CTXND1: variants seen among roughly 807,000 people sequenced by gnomAD.
The protein encoded by CTXND1 is cortexin domain-containing 1 protein.
In CTXND1 at chr15:80,201,400, A is replaced by G. The variant is rs777394695; in HGVS notation, c.*370T>C. On this transcript the variant is annotated 3_prime_UTR_variant, in exon 3 of 3. Coordinates refer to ENST00000560778, the MANE Select transcript of CTXND1 (RefSeq NM_001352888.2). ...GGACCGAGAGTCTCCTCAAGACAAG[A>G]CCACTGTTATGTGATGGATGGGGGG... The G allele has an allele frequency of 5.8e-6, 1 of 171,896 alleles. No individual in the cohort carries two copies. Among genetic ancestry groups the G allele is most frequent in the Admixed American group, 6.3e-5 (1 of 15,810 alleles). 10.6% of individuals were successfully genotyped at this position (171,896 alleles called of 1,614,324 possible).
rs553893981 is a variant in CTXND1 at position 80,224,088 on chromosome 15, C to CT, written c.-217-20349dup. ...GCCGCCATGTCAAGAATCAGCTGCTCTGACGATCACTAAGTGGAGAGACTA... is the reference window on the plus strand; with the variant it reads ...GCCGCCATGTCAAGAATCAGCTGCTCTTGACGATCACTAAGTGGAGAGACTA... On this transcript the variant is annotated intron_variant, in intron 1 of 2. Transcript: ENST00000560778. Among the ~76,000 whole-genome samples the CT allele has an allele frequency of 2.6e-5, 4 of 152,280 alleles. No homozygotes were observed. The South Asian group carries it at 8.3e-4, about 32-fold the overall frequency.
chr15:80,204,199 T>C (rs56765405), intron 1 of CTXND1, among the ~76,000 whole-genome samples: 607 of 26,778 alleles, frequency 0.023, 21 homozygotes, highest in African/African-American at 0.075. Context: ...TATATATATA[T>C]ACACAAACAC....
intron 1 of CTXND1, among the ~76,000 whole-genome samples, chr15:80,250,593 A>G (rs1893682030): frequency 6.6e-6 from 1 of 152,242 alleles, no homozygotes; most frequent in Non-Finnish European, 1.5e-5. Flanking sequence ...TGCAATGATT[A>G]CACAGAATAA....
chr15:80,235,749 C>A (rs1159257059), intron 1 of CTXND1, among the ~76,000 whole-genome samples: 1 of 151,916 alleles, frequency 6.6e-6, no homozygotes, highest in Non-Finnish European at 1.5e-5. Context: ...GGCTACCCTA[C>A]CAATCCCTTC....
intron 1 of CTXND1, among the ~76,000 whole-genome samples, chr15:80,216,538 A>G (rs1005479837): frequency 3.3e-5 from 5 of 152,314 alleles, no homozygotes; most frequent in Middle Eastern, 6.8e-3. Context: ...AGCCTTGTTT[A>G]TGGATCATCA....
intron 2 of CTXND1, among the ~76,000 whole-genome samples, chr15:80,203,197 A>G (rs546261956): frequency 6.6e-6 from 1 of 152,156 alleles, no homozygotes; most frequent in African/African-American, 2.4e-5. Flanking sequence ...CTCTCCCCAT[A>G]CATAGCATTC....
chr15:80,220,135 TATCTATCTATC>T (rs1005394978), intron 1 of CTXND1, among the ~76,000 whole-genome samples: 11 of 108,852 alleles, frequency 1.0e-4, no homozygotes, highest in Non-Finnish European at 1.4e-4. Flanking sequence ...TCTATCTATC[TATCTATCTATC>T]ATCTATCTAT....
intron 1 of CTXND1, among the ~76,000 whole-genome samples, chr15:80,204,647 G>GTATATA (rs35359063): frequency 0.073 from 9,548 of 131,014 alleles, 476 homozygotes; most frequent in Middle Eastern, 0.12. Flanking sequence ...ATATTCCATT[G>GTATATA]TATATATATA....
At chr15:80,220,119 TATCTATCTATCTATCTATCTATCTATC>T (rs1164349140) in intron 1 of CTXND1, among the ~76,000 whole-genome samples, 61 of 112,368 alleles carry the variant, frequency 5.4e-4, no homozygotes, top group Non-Finnish European at 7.6e-4. Flanking sequence ...TCTATCTATC[TATCTATCTATCTATCTATCTATCTATC>T]ATCTATCTAT....
chr15:80,204,113 C>T (rs1259783481), intron 1 of CTXND1, among the ~76,000 whole-genome samples: 2 of 130,324 alleles, frequency 1.5e-5, no homozygotes, highest in Non-Finnish European at 3.1e-5. Flanking sequence ...CGCCGCTGCA[C>T]TCCAGCCTGG....
chr15:80,206,833 T>G (rs1893151346), intron 1 of CTXND1, among the ~76,000 whole-genome samples: 1 of 152,218 alleles, frequency 6.6e-6, no homozygotes, highest in Non-Finnish European at 1.5e-5. Flanking sequence ...TTTTTGCCCT[T>G]ATGTCTACCT....
intron 1 of CTXND1, among the ~76,000 whole-genome samples, chr15:80,211,794 A>G (rs1038876421): frequency 6.6e-6 from 1 of 152,234 alleles, no homozygotes; most frequent in African/African-American, 2.4e-5. Flanking sequence ...AATTCTAAGA[A>G]CCACCATACC....
chr15:80,212,777 CAAAAT>C (rs939765561), intron 1 of CTXND1, among the ~76,000 whole-genome samples: 2 of 151,886 alleles, frequency 1.3e-5, no homozygotes, highest in Non-Finnish European at 2.9e-5. Context: ...GGGACAGAGA[CAAAAT>C]GAAATAAAAA....
chr15:80,246,433 G>A (rs981743996), intron 1 of CTXND1, among the ~76,000 whole-genome samples: 1 of 152,222 alleles, frequency 6.6e-6, no homozygotes, highest in African/African-American at 2.4e-5. Context: ...TTGGTACGAT[G>A]AAGATCGGAG....
intron 1 of CTXND1, among the ~76,000 whole-genome samples, chr15:80,241,411 T>C (rs563626606): frequency 2.6e-5 from 4 of 152,322 alleles, no homozygotes; most frequent in African/African-American, 7.2e-5. Context: ...CAGACCTTTC[T>C]ATGTCGAGAG....
chr15:80,234,850 C>T (rs1216941994), intron 1 of CTXND1, among the ~76,000 whole-genome samples: 1 of 152,208 alleles, frequency 6.6e-6, no homozygotes, highest in Non-Finnish European at 1.5e-5. Context: ...AACAGCTGCA[C>T]AGTGCACAAT....
chr15:80,251,870 C>A (rs1008470187), intron 1 of CTXND1, 137 bp downstream of exon 1: 5 of 152,036 alleles, frequency 3.3e-5, no homozygotes, highest in Non-Finnish European at 5.9e-5. Flanking sequence ...CGCGGCAGGG[C>A]TCGGCCCGAC....
chr15:80,251,879 A>C (rs899694088), intron 1 of CTXND1, 128 bp downstream of exon 1: 1 of 151,934 alleles, frequency 6.6e-6, no homozygotes, highest in East Asian at 1.9e-4. Context: ...GCTCGGCCCG[A>C]CTTCAGCGAG....
At chr15:80,224,487 A>G (rs546143219) in intron 1 of CTXND1, among the ~76,000 whole-genome samples, 53 of 152,300 alleles carry the variant, frequency 3.5e-4, no homozygotes, top group African/African-American at 1.2e-3. Context: ...AAGTCTTGAA[A>G]TCTACTAGAG....
Sources: allele counts gnomAD v4.1 joint callset (sites outside exome capture counted in the v4.1 genomes callset), GRCh38; gene constraint gnomAD v4.1.1; transcripts MANE v1.5; gene names NCBI Gene and HGNC (gene_info 2026-07-23, HGNC 2026-07-21).